Variants in SMOC2 observed in about 807,000 individuals in gnomAD.
SMOC2 encodes SPARC related modular calcium binding 2.
SMOC2 carries 39 observed loss-of-function variants against 61.4 expected under a neutral mutation model. That is an observed-to-expected ratio of 0.64 (90% CI 0.49 to 0.83). The LOEUF (loss-of-function observed/expected upper bound fraction) is 0.83, where lower values mean the gene tolerates loss of function less well. Ranked by LOEUF, SMOC2 falls within the 40% of genes least tolerant of loss-of-function variation. The pLI is 0.00. For synonymous variants in SMOC2, 247 were observed against 239.9 expected (o/e 1.03, Z -0.27); for missense variants, 556 against 592.9 (o/e 0.94, Z 0.65).
chr6:168,520,417 G>A (rs996882042), intron 2 of SMOC2, among the ~76,000 whole-genome samples: 14 of 152,170 alleles, frequency 9.2e-5, no homozygotes, highest in Admixed American at 4.6e-4. Context: ...CCATTTGCTC[G>A]TTCAGCCCGT....
intron 1 of SMOC2, among the ~76,000 whole-genome samples, chr6:168,506,283 A>G (rs548716241): frequency 6.6e-6 from 1 of 152,018 alleles, no homozygotes; most frequent in Non-Finnish European, 1.5e-5. Context: ...AGATCCTTCC[A>G]TCTTGGCCTC....
intron 1 of SMOC2, among the ~76,000 whole-genome samples, chr6:168,493,043 T>A (rs75106515): frequency 0.045 from 6,666 of 147,164 alleles, 471 homozygotes; most frequent in African/African-American, 0.15. Flanking sequence ...TCAAAAGTGA[T>A]TTTTTTTTTT....
At chr6:168,662,182 G>T (rs1787525830) in intron 11 of SMOC2, among the ~76,000 whole-genome samples, 1 of 152,196 alleles carries the variant, frequency 6.6e-6, no homozygotes. Context: ...TTCTGCTCTA[G>T]ATATTGACAG....
In SMOC2 at chr6:168,599,108, TCA is replaced by T. The variant is rs372136471; in HGVS notation, c.824+114_824+115del. ...TCCCCCAACACACACCGACACACAG[TCA>T]CACACACACTCACACTCACACACAC... On this transcript the variant is annotated intron_variant, in intron 8 of 12. Coordinates refer to ENST00000356284, the MANE Select transcript of SMOC2 (RefSeq NM_001166412.2). The T allele has an allele frequency of 3.0e-4, 303 of 999,360 alleles. 1 individual carries two copies. The highest frequency in any genetic ancestry group is 2.1e-3 in the African/African-American group (119 of 56,534). 61.9% of individuals were successfully genotyped at this position (999,360 alleles called of 1,614,324 possible).
intron 1 of SMOC2, among the ~76,000 whole-genome samples, chr6:168,497,895 C>G (rs1403450361): frequency 1.3e-5 from 2 of 152,146 alleles, no homozygotes; most frequent in Non-Finnish European, 2.9e-5. Context: ...GTCTCACTGC[C>G]TTTAGATGGA....
chr6:168,647,338 C>T (rs1421697736), intron 9 of SMOC2, among the ~76,000 whole-genome samples: 1 of 152,214 alleles, frequency 6.6e-6, no homozygotes, highest in Non-Finnish European at 1.5e-5. Context: ...AGAAAGGACC[C>T]ACCAGAGCAC....
At chr6:168,613,831 C>T (rs1441348828) in intron 9 of SMOC2, among the ~76,000 whole-genome samples, 1 of 131,992 alleles carries the variant, frequency 7.6e-6, no homozygotes, top group Admixed American at 7.5e-5. Flanking sequence ...CACAGGACCT[C>T]TTCACACCTA....
chr6:168,582,670 G>A (rs1383725703), intron 7 of SMOC2, among the ~76,000 whole-genome samples: 1 of 152,232 alleles, frequency 6.6e-6, no homozygotes, highest in Non-Finnish European at 1.5e-5. Context: ...GGAGGGACAG[G>A]TGACTGGAAC....
chr6:168,531,441 C>A (rs1783600152), intron 4 of SMOC2, among the ~76,000 whole-genome samples: 1 of 152,224 alleles, frequency 6.6e-6, no homozygotes, highest in South Asian at 2.1e-4. Flanking sequence ...TCTCTAGCGT[C>A]CTTCCCTGAG....
rs906940292 is a variant in SMOC2 at position 168,495,822 on chromosome 6, C to A, written c.85-14093C>A. Among the ~76,000 whole-genome samples, 22 of 152,112 alleles carry A rather than the reference C, an allele frequency of 1.4e-4. No individual in the cohort carries two copies. In the South Asian group the frequency reaches 1.5e-3, roughly 10 times the overall value. ...GGGGGCTCCACCCACCTGTGCAGTTCCCCATGGTGGCTTCACCCACCTGCA... is the reference window on the plus strand; with the variant it reads ...GGGGGCTCCACCCACCTGTGCAGTTACCCATGGTGGCTTCACCCACCTGCA... On this transcript the variant is annotated intron_variant, in intron 1 of 12. Transcript: ENST00000356284.
Position 168,477,490 on chromosome 6 carries a change from C to T in SMOC2, c.85-32425C>T, listed in dbSNP as rs191300268. 1.3e-4 allele frequency among the ~76,000 whole-genome samples: 20 copies of T among 152,242 alleles called. 1 individual carries two copies. Among genetic ancestry groups the T allele is most frequent in the African/African-American group, 4.8e-4 (20 of 41,530 alleles). ...ATGACCAATTGGTATTTTTTATAAC[C>T]TCTATTTTCTACTAAGAGAATTGAC... On this transcript the variant is annotated intron_variant, in intron 1 of 12. Coordinates refer to ENST00000356284, the MANE Select transcript of SMOC2 (RefSeq NM_001166412.2).
chr6:168,575,100 A>C (rs2180349), intron 7 of SMOC2, among the ~76,000 whole-genome samples: 15,960 of 152,072 alleles, frequency 0.1, 1,390 homozygotes, highest in African/African-American at 0.23. Flanking sequence ...GTCTGTGGGG[A>C]AAGGTTTGTG....
chr6:168,587,628 G>T, intron 7 of SMOC2, among the ~76,000 whole-genome samples: 1 of 152,238 alleles, frequency 6.6e-6, no homozygotes, highest in Non-Finnish European at 1.5e-5. Context: ...GCTCAGTGAA[G>T]CAATAGGGTG....
chr6:168,487,577 T>A (rs1205774085), intron 1 of SMOC2, among the ~76,000 whole-genome samples: 1 of 152,186 alleles, frequency 6.6e-6, no homozygotes, highest in Non-Finnish European at 1.5e-5. Context: ...CGATCTTGAC[T>A]CACTGCAACC....
intron 12 of SMOC2, 86 bp downstream of exon 12, chr6:168,664,197 C>T (rs1009157793): frequency 1.4e-5 from 14 of 1,033,364 alleles, no homozygotes; most frequent in Admixed American, 9.3e-5. Context: ...TTTGCAATGG[C>T]CAGTACCTTC....
chr6:168,537,646 A>C (rs1425747894), intron 4 of SMOC2, among the ~76,000 whole-genome samples: 1 of 152,218 alleles, frequency 6.6e-6, no homozygotes, highest in Non-Finnish European at 1.5e-5. Context: ...TTGGCTTCTC[A>C]CAGGCCTGGA....
chr6:168,622,990 C>T (rs1276748720), intron 9 of SMOC2, among the ~76,000 whole-genome samples: 1 of 152,198 alleles, frequency 6.6e-6, no homozygotes, highest in Non-Finnish European at 1.5e-5. Context: ...GAAGGGCATG[C>T]AGTGGTGTCT....
At chr6:168,466,235 CTG>C (rs1201243120) in intron 1 of SMOC2, among the ~76,000 whole-genome samples, 2 of 150,766 alleles carry the variant, frequency 1.3e-5, no homozygotes, top group Middle Eastern at 3.5e-3. Flanking sequence ...AAAGCTGAAA[CTG>C]GGGTGCTCTG....
chr6:168,622,056 C>T (rs908094770), intron 9 of SMOC2, among the ~76,000 whole-genome samples: 3 of 152,006 alleles, frequency 2.0e-5, no homozygotes, highest in Admixed American at 1.3e-4. Flanking sequence ...AGCTCCGCCT[C>T]CCGGGTTCAC....
Sources: allele counts gnomAD v4.1 joint callset (sites outside exome capture counted in the v4.1 genomes callset), GRCh38; gene constraint gnomAD v4.1.1; transcripts MANE v1.5; gene names NCBI Gene and HGNC (gene_info 2026-07-23, HGNC 2026-07-21).